The following XIRP2 variants were observed in gnomAD, a reference collection of about 807,000 sequenced individuals.
The protein encoded by XIRP2 is xin actin binding repeat containing 2.
XIRP2 carries 236 observed loss-of-function variants against 277.0 expected under a neutral mutation model. That is an observed-to-expected ratio of 0.85 (90% CI 0.77 to 0.95). The LOEUF (loss-of-function observed/expected upper bound fraction) is 0.95. XIRP2 is among the 40% of genes least tolerant of loss of function. The pLI, the probability that XIRP2 is intolerant of heterozygous loss-of-function variation, is 0.00. For synonymous variants in XIRP2, 1,490 were observed against 1,416.5 expected, an observed-to-expected ratio of 1.05 and a Z score of -1.17; for missense variants, 4,640 against 4,157.5, an observed-to-expected ratio of 1.12 and a Z score of -3.19.
chr2:167,134,009 T>C (rs1691462086), intron 2 of XIRP2, among the ~76,000 whole-genome samples: 2 of 152,170 alleles, frequency 1.3e-5, no homozygotes. Context: ...CAATTGTTTT[T>C]AGCTTCAGTT....
intron 2 of XIRP2, among the ~76,000 whole-genome samples, chr2:167,041,968 C>G (rs1191190954): frequency 6.6e-6 from 1 of 152,110 alleles, no homozygotes; most frequent in African/African-American, 2.4e-5. Flanking sequence ...TAAAGGGAAC[C>G]CTATCAGGCT....
chr2:167,200,231 C>T (rs908847210), intron 3 of XIRP2, among the ~76,000 whole-genome samples: 1 of 152,158 alleles, frequency 6.6e-6, no homozygotes, highest in Non-Finnish European at 1.5e-5. Context: ...CTTCTCTTTA[C>T]CTTTGGTAGG....
rs1285507593 is a variant in XIRP2 at position 167,246,936 on chromosome 2, C to T, written c.5544C>T (p.Leu1848=). 6.2e-7 allele frequency: 1 copy of T among 1,613,452 alleles called. No individual in the cohort carries two copies. The highest frequency in any genetic ancestry group is 1.1e-5 in the South Asian group (1 of 91,052). The part of the protein sequence containing the change: ...KGDLTSTLNS[L]SQAVNQKTVT... ...ATTTGACATCAACCCTAAATTCCCT[C>T]AGCCAGGCTGTAAATCAGAAAACAG... Residue 1848 remains leucine, a synonymous_variant, in exon 9 of 11, where the codon CTC becomes CTT. Coordinates refer to ENST00000409195, the MANE Select transcript of XIRP2 (RefSeq NM_152381.6).
At chr2:167,100,746 C>G (rs985753421) in intron 2 of XIRP2, among the ~76,000 whole-genome samples, 1 of 152,182 alleles carries the variant, frequency 6.6e-6, no homozygotes, top group African/African-American at 2.4e-5. Flanking sequence ...CTTGTTAGGT[C>G]TGTGTGTGTC....
chr2:167,144,637 G>A (rs1031005380), intron 3 of XIRP2, among the ~76,000 whole-genome samples: 1 of 152,020 alleles, frequency 6.6e-6, no homozygotes, highest in African/African-American at 2.4e-5. Flanking sequence ...TAAGACCATT[G>A]CTTTCCATAC....
chr2:167,089,758 G>T (rs1690086735), intron 2 of XIRP2, among the ~76,000 whole-genome samples: 1 of 152,104 alleles, frequency 6.6e-6, no homozygotes, highest in Non-Finnish European at 1.5e-5. Flanking sequence ...GTCAGAGTTA[G>T]CCCACAGCTA....
intron 2 of XIRP2, among the ~76,000 whole-genome samples, chr2:166,948,280 G>A (rs1303143577): frequency 1.8e-4 from 28 of 152,076 alleles, no homozygotes; most frequent in Admixed American, 1.8e-3. Flanking sequence ...CTCTGGGGCA[G>A]GATGTTGATA....
intron 2 of XIRP2, among the ~76,000 whole-genome samples, chr2:167,074,410 A>T (rs1324733959): frequency 2.6e-5 from 4 of 152,202 alleles, no homozygotes; most frequent in Non-Finnish European, 5.9e-5. Context: ...TCAGGAATGA[A>T]TAACAAAGTT....
intron 3 of XIRP2, among the ~76,000 whole-genome samples, chr2:167,209,590 G>A (rs185900617): frequency 1.3e-5 from 2 of 152,120 alleles, no homozygotes; most frequent in Admixed American, 1.3e-4. Context: ...GTGAAGGCAG[G>A]AGATGCATGA....
chr2:167,223,896 A>T (rs533971550), intron 5 of XIRP2, among the ~76,000 whole-genome samples: 1 of 152,204 alleles, frequency 6.6e-6, no homozygotes, highest in African/African-American at 2.4e-5. Context: ...AGTCAGAGAG[A>T]CTGTGTTATA....
In XIRP2 at chr2:166,988,114, G is replaced by C. The variant is rs560762796; in HGVS notation, c.408+84224G>C. Among the ~76,000 whole-genome samples, 8 of 152,272 alleles carry C rather than the reference G, an allele frequency of 5.3e-5. No individual in the cohort carries two copies. The South Asian group carries it at 1.5e-3, about 28-fold the overall frequency. ...CCCACAGATATGCCTTAATTTCAAA[G>C]AAGAAAACCCAACTTTGCATGAGCA... is the stretch of plus-strand genomic sequence containing the variant. On this transcript the variant is annotated intron_variant, in intron 2 of 10. Transcript: ENST00000409195.
intron 2 of XIRP2, among the ~76,000 whole-genome samples, chr2:166,937,978 T>G (rs1292088830): frequency 6.6e-6 from 1 of 152,200 alleles, no homozygotes; most frequent in Non-Finnish European, 1.5e-5. Context: ...TATTTGAATC[T>G]TCTCTCTTTT....
chr2:167,027,788 A>T (rs1013086102), intron 2 of XIRP2, among the ~76,000 whole-genome samples: 1 of 151,952 alleles, frequency 6.6e-6, no homozygotes, highest in Admixed American at 6.6e-5. Context: ...CCCTATAAAC[A>T]GGTAAATCTT....
chr2:167,001,740 T>C (rs553298775), intron 2 of XIRP2, among the ~76,000 whole-genome samples: 4 of 152,168 alleles, frequency 2.6e-5, no homozygotes, highest in Non-Finnish European at 5.9e-5. Context: ...GATATCTCTC[T>C]ACTTACTTGG....
intron 2 of XIRP2, among the ~76,000 whole-genome samples, chr2:167,098,374 C>T (rs188368288): frequency 2.2e-4 from 33 of 152,274 alleles, no homozygotes; most frequent in African/African-American, 7.0e-4. Flanking sequence ...ATGAAGTTCT[C>T]GTTCTGTGTT....
At chr2:166,979,979 T>C (rs1210072463) in intron 2 of XIRP2, among the ~76,000 whole-genome samples, 1 of 152,144 alleles carries the variant, frequency 6.6e-6, no homozygotes, top group African/African-American at 2.4e-5. Context: ...CAAGAAAGAC[T>C]GGAATTTTCC....
At chr2:167,184,636 T>C (rs1381985189) in intron 3 of XIRP2, 5 of 717,012 alleles carry the variant, frequency 7.0e-6, no homozygotes, top group Admixed American at 6.0e-5. Context: ...CCTCAACTTA[T>C]ATTTGTAAGG....
intron 2 of XIRP2, among the ~76,000 whole-genome samples, chr2:167,032,624 T>C (rs973493373): frequency 6.6e-6 from 1 of 151,798 alleles, no homozygotes; most frequent in Non-Finnish European, 1.5e-5. Context: ...CCCCATCAAA[T>C]TGTGGGCAAA....
chr2:167,207,928 T>G (rs1009725369), intron 3 of XIRP2, among the ~76,000 whole-genome samples: 3 of 152,214 alleles, frequency 2.0e-5, no homozygotes, highest in African/African-American at 7.2e-5. Flanking sequence ...TTTTCTGCTT[T>G]GTGGGATGTA....
Sources: gnomAD v4.1 joint callset for allele counts (sites outside exome capture counted in the v4.1 genomes callset) on GRCh38, gnomAD v4.1.1 for gene constraint, MANE v1.5 for transcripts, NCBI Gene and HGNC (gene_info 2026-07-23, HGNC 2026-07-21) for gene names.